GLI3: variants seen among roughly 807,000 people sequenced by gnomAD.
The protein encoded by GLI3 is transcription activator GLI3.
Under a neutral mutation model 100.8 loss-of-function variants are expected in GLI3, and 20 were observed. That is an observed-to-expected ratio of 0.20 (90% confidence interval 0.14 to 0.29). The LOEUF (loss-of-function observed/expected upper bound fraction) is 0.29. GLI3 is among the 10% of genes least tolerant of loss of function. The pLI is 1.00. For synonymous variants in GLI3, 938 were observed against 860.5 expected (o/e 1.09, Z -1.58); for missense variants, 2,040 against 2,128.5 (o/e 0.96, Z 0.82).
At chr7:41,985,745 A>G (rs931009277) in intron 10 of GLI3, among the ~76,000 whole-genome samples, 5 of 152,174 alleles carry the variant, frequency 3.3e-5, no homozygotes, top group African/African-American at 1.2e-4. Context: ...TACAACTGTC[A>G]TGATGTGGAT....
chr7:42,239,706 A>G (rs1788904844), upstream of GLI3, among the ~76,000 whole-genome samples: 1 of 152,356 alleles, frequency 6.6e-6, no homozygotes, highest in South Asian at 2.1e-4. Flanking sequence ...ACAAGAACAA[A>G]GCAAAAGCAG....
chr7:42,132,718 C>A (rs1248763066), intron 3 of GLI3, among the ~76,000 whole-genome samples: 2 of 152,172 alleles, frequency 1.3e-5, no homozygotes, highest in East Asian at 1.9e-4. Context: ...AGGCTTACAG[C>A]CTCACAATTG....
chr7:42,027,359 C>T (rs1267127867), intron 7 of GLI3, among the ~76,000 whole-genome samples: 1 of 151,994 alleles, frequency 6.6e-6, no homozygotes, highest in East Asian at 1.9e-4. Context: ...AAAAAATAAT[C>T]AGTGAAAAAA....
chr7:42,030,242 G>A (rs846285), intron 7 of GLI3, among the ~76,000 whole-genome samples: 94,689 of 151,794 alleles, frequency 0.62, 31,351 homozygotes, highest in African/African-American at 0.86. Context: ...CCCTCTCACA[G>A]GGGACCCTGT....
chr7:42,132,989 C>T (rs899191348), intron 3 of GLI3, among the ~76,000 whole-genome samples: 1 of 152,162 alleles, frequency 6.6e-6, no homozygotes, highest in Non-Finnish European at 1.5e-5. Context: ...TGCACATCAC[C>T]ATATTCCATT....
chr7:41,968,776 G>GAAAGAAAGAA (rs1787291278), intron 13 of GLI3, among the ~76,000 whole-genome samples: 2 of 139,838 alleles, frequency 1.4e-5, no homozygotes, highest in African/African-American at 5.1e-5. Context: ...AAGAAAGAAA[G>GAAAGAAAGAA]AAAGAAAGAA....
chr7:42,021,765 TA>T (rs1788950078), intron 10 of GLI3, among the ~76,000 whole-genome samples: 1 of 152,228 alleles, frequency 6.6e-6, no homozygotes, highest in African/African-American at 2.4e-5. Context: ...CAGGATATTT[TA>T]AAAACCAAGA....
intron 3 of GLI3, among the ~76,000 whole-genome samples, chr7:42,116,161 T>G (rs1231183643): frequency 6.6e-6 from 1 of 152,194 alleles, no homozygotes; most frequent in Non-Finnish European, 1.5e-5. Context: ...ACATGTCACA[T>G]GTATGAAAAA....
intron 3 of GLI3, among the ~76,000 whole-genome samples, chr7:42,143,548 T>C (rs1441696424): frequency 6.6e-6 from 1 of 152,172 alleles, no homozygotes; most frequent in African/African-American, 2.4e-5. Flanking sequence ...AGTCACCTAA[T>C]ATAAAGACAG....
chr7:42,132,365 G>C lies in GLI3; in HGVS notation c.367+15861C>G, dbSNP rs184812833. Among the ~76,000 whole-genome samples the C allele has an allele frequency of 9.3e-3, 1,409 of 152,250 alleles. 12 individuals are homozygous for C. The highest frequency in any genetic ancestry group is 0.023 in the African/African-American group (963 of 41,534). On this transcript the variant is annotated intron_variant, in intron 3 of 14. Coordinates refer to ENST00000395925, the MANE Select transcript of GLI3 (RefSeq NM_000168.6). ...TCCGCCCGCCTTGACCTCCCAAAGT[G>C]CTGGGATTACAGGCGTGAGCCACCG...
intron 4 of GLI3, among the ~76,000 whole-genome samples, chr7:42,065,190 T>C (rs532380149): frequency 2.0e-4 from 30 of 148,492 alleles, no homozygotes; most frequent in African/African-American, 5.4e-4. Context: ...ATTTTATTTA[T>C]AATTTATTAA....
rs772863901 is a variant in GLI3, at chr7:41,962,069, C to G, written c.*2261G>C. On this transcript the variant is annotated 3_prime_UTR_variant, in exon 15 of 15. Coordinates refer to ENST00000395925, the MANE Select transcript of GLI3 (RefSeq NM_000168.6). ...GCACAAGACAACAACAGTGGTGGGC[C>G]GGATCACTGTGCATCCCTCCAGGAA... The G allele has an allele frequency of 1.2e-4, 18 of 152,098 alleles. No homozygotes were observed. Among genetic ancestry groups the G allele is most frequent in the Non-Finnish European group, 2.1e-4 (14 of 68,016 alleles). The allele number at this position is 152,098 out of a possible 1,614,324, so 9.4% of individuals were successfully genotyped here.
intron 3 of GLI3, among the ~76,000 whole-genome samples, chr7:42,096,152 C>A (rs547222832): frequency 3.3e-5 from 5 of 152,112 alleles, no homozygotes; most frequent in Middle Eastern, 3.2e-3. Context: ...ATAGAGAAGA[C>A]AGGGCAGCAG....
intron 7 of GLI3, among the ~76,000 whole-genome samples, chr7:42,030,333 G>C (rs759523569): frequency 6.6e-6 from 1 of 152,154 alleles, no homozygotes; most frequent in Non-Finnish European, 1.5e-5. Flanking sequence ...TGCAAAAGTC[G>C]TTCTGGCATG....
intron 2 of GLI3, among the ~76,000 whole-genome samples, chr7:42,182,660 A>ATATACATGTG (rs1554337047): frequency 1.9e-4 from 11 of 59,106 alleles, no homozygotes; most frequent in Admixed American, 4.6e-4. Context: ...ATATATATAT[A>ATATACATGTG]TATATATATA....
chr7:42,198,298 G>A (rs1787970699), intron 2 of GLI3, among the ~76,000 whole-genome samples: 1 of 152,192 alleles, frequency 6.6e-6, no homozygotes, highest in Non-Finnish European at 1.5e-5. Flanking sequence ...GAAAAATGAA[G>A]GGAAATGTGA....
chr7:42,012,060 G>A (rs1008780872), intron 10 of GLI3, among the ~76,000 whole-genome samples: 1 of 152,144 alleles, frequency 6.6e-6, no homozygotes, highest in Non-Finnish European at 1.5e-5. Context: ...TGAGCAGAAA[G>A]GATAAACCTA....
chr7:42,025,456 A>G lies in GLI3; in HGVS notation c.1243-79T>C, dbSNP rs1789085264. On this transcript the variant is annotated intron_variant, in intron 8 of 14. Coordinates refer to ENST00000395925, the MANE Select transcript of GLI3 (RefSeq NM_000168.6). Reference sequence around the variant, plus strand: ...CAGTACCATAATTAAAACCTTGCCAACTCGGGACAAGCGGTCTTATTTGGC... The same window carrying G: ...CAGTACCATAATTAAAACCTTGCCAGCTCGGGACAAGCGGTCTTATTTGGC... 6 of 1,021,476 alleles carry G rather than the reference A, an allele frequency of 5.9e-6. No homozygotes were observed. The Admixed American group carries it at 1.0e-4, about 17-fold the overall frequency. 63.3% of individuals were successfully genotyped at this position (1,021,476 alleles called of 1,614,324 possible).
intron 10 of GLI3, among the ~76,000 whole-genome samples, chr7:42,016,220 G>A (rs528416165): frequency 6.6e-4 from 101 of 152,294 alleles, no homozygotes; most frequent in African/African-American, 2.3e-3. Context: ...CAGGACACAT[G>A]AACAGGAGAG....
Sources: allele counts gnomAD v4.1 joint callset (sites outside exome capture counted in the v4.1 genomes callset), GRCh38; gene constraint gnomAD v4.1.1; transcripts MANE v1.5; gene names NCBI Gene and HGNC (gene_info 2026-07-23, HGNC 2026-07-21).